The following SRGAP3 variants were observed in gnomAD, a reference collection of about 807,000 sequenced individuals.
The protein encoded by SRGAP3 is SLIT-ROBO Rho GTPase-activating protein 3.
SRGAP3 carries 39 observed loss-of-function variants against 121.1 expected under a neutral mutation model. The observed-to-expected ratio is 0.32, with a 90% CI of 0.25 to 0.42. SRGAP3 has a LOEUF of 0.42. SRGAP3 is among the 10% of genes least tolerant of loss of function. SRGAP3 has a pLI of 1.00. For missense variants in SRGAP3, 1,213 were observed against 1,470.6 expected (o/e 0.82, Z 2.86); for synonymous variants, 601 against 570.0 (o/e 1.05, Z -0.77).
At chr3:9,054,274 G>A (rs1945716948) in intron 8 of SRGAP3, among the ~76,000 whole-genome samples, 2 of 152,282 alleles carry the variant, frequency 1.3e-5, no homozygotes, top group South Asian at 2.1e-4. Flanking sequence ...TGGAATTACT[G>A]TTAGAACAGA....
intron 3 of SRGAP3, among the ~76,000 whole-genome samples, chr3:9,268,296 GTCTCTCTC>G (rs71626912): frequency 4.7e-5 from 7 of 147,572 alleles, no homozygotes; most frequent in South Asian, 2.2e-4. Context: ...AGAGAGAAGA[GTCTCTCTC>G]TCTCTCTCTC....
intron 18 of SRGAP3, among the ~76,000 whole-genome samples, chr3:9,006,233 T>C (rs528814802): frequency 1.3e-5 from 2 of 152,000 alleles, no homozygotes; most frequent in East Asian, 1.9e-4. Flanking sequence ...ACCCCGTCTC[T>C]ACTAAAAAAT....
chr3:9,045,704 AGAAG>A (rs1314013460), intron 10 of SRGAP3, among the ~76,000 whole-genome samples: 4 of 152,222 alleles, frequency 2.6e-5, no homozygotes, highest in Non-Finnish European at 5.9e-5. Flanking sequence ...TTCTGCACCA[AGAAG>A]GCGTGGGCAG....
chr3:9,165,098 G>C (rs965148310), intron 1 of SRGAP3, among the ~76,000 whole-genome samples: 1 of 152,280 alleles, frequency 6.6e-6, no homozygotes, highest in Non-Finnish European at 1.5e-5. Context: ...CTTTGAGCCA[G>C]GAGGATGCCC....
chr3:9,242,497 T>C (rs577720982), intron 1 of SRGAP3, among the ~76,000 whole-genome samples: 93 of 152,166 alleles, frequency 6.1e-4, no homozygotes, highest in African/African-American at 2.2e-3. Flanking sequence ...TAGCTGGGCA[T>C]GGTGGCGAGT....
At chr3:9,228,878 T>G (rs2648531) in intron 1 of SRGAP3, among the ~76,000 whole-genome samples, 1 of 149,400 alleles carries the variant, frequency 6.7e-6, no homozygotes, top group Admixed American at 6.6e-5. Context: ...CTGGCTAACA[T>G]GGTGAAACCC....
chr3:9,324,905 C>T (rs1955492733), intron 3 of SRGAP3, among the ~76,000 whole-genome samples: 1 of 151,146 alleles, frequency 6.6e-6, no homozygotes, highest in African/African-American at 2.4e-5. Flanking sequence ...TGCAGTGAGC[C>T]GAGATCGCGC....
rs1252272548 is a variant in SRGAP3, at chr3:9,064,426, A to G, written c.642T>C (p.Ser214=). ...RHEDRPQRRS[S]VKKIEKMKEK... is the part of the protein sequence containing the mutation. ...CCTTCATCTTCTCAATCTTCTTCAC[A>G]GAGCTGCGGCGCTGGGGCCGGTCCT... The change falls in exon 5 of 22, where the codon TCT becomes TCC. Residue 214 remains serine, a synonymous_variant. Transcript: ENST00000383836. The G allele has an allele frequency of 3.0e-5, 48 of 1,614,190 alleles. No homozygotes were observed. The highest frequency in any genetic ancestry group is 3.9e-5 in the Non-Finnish European group (46 of 1,180,036).
At chr3:9,310,688 A>G (rs1285681930) in intron 3 of SRGAP3, among the ~76,000 whole-genome samples, 2 of 152,246 alleles carry the variant, frequency 1.3e-5, no homozygotes. Flanking sequence ...AGTGAAAACC[A>G]GCTGACTGCT....
chr3:9,341,983 A>G (rs1263868206), intron 1 of SRGAP3, among the ~76,000 whole-genome samples: 1 of 152,186 alleles, frequency 6.6e-6, no homozygotes, highest in Non-Finnish European at 1.5e-5. Context: ...TTGAGAATCT[A>G]GATACAGGCT....
chr3:9,318,135 A>G lies in SRGAP3; in HGVS notation n.442+7875T>C, dbSNP rs564075541. 1.1e-4 allele frequency among the ~76,000 whole-genome samples: 16 copies of G among 152,084 alleles called. No homozygotes were observed. In the South Asian group the frequency reaches 2.9e-3, roughly 28 times the overall value. Reference sequence around the variant, plus strand: ...GTGTTTATGGAGAATCATGGGAGGGAGAGTGGTGCATTCTGGTCCTTGCTG... The same window carrying G: ...GTGTTTATGGAGAATCATGGGAGGGGGAGTGGTGCATTCTGGTCCTTGCTG... On this transcript the variant is annotated intron_variant and non_coding_transcript_variant, in intron 3 of 3. Transcript: ENST00000490889.
intron 18 of SRGAP3, among the ~76,000 whole-genome samples, chr3:9,003,507 A>AAAC (rs1559885584): frequency 5.3e-5 from 4 of 75,046 alleles, no homozygotes; most frequent in Non-Finnish European, 9.0e-5. Flanking sequence ...AACAAACAAA[A>AAAC]AAATCACTAG....
chr3:9,165,338 C>G, intron 1 of SRGAP3, among the ~76,000 whole-genome samples: 1 of 152,208 alleles, frequency 6.6e-6, no homozygotes, highest in East Asian at 1.9e-4. Flanking sequence ...TCATGTCCTG[C>G]TCTGGAGAGA....
chr3:9,114,307 G>A (rs1465862639), intron 2 of SRGAP3, among the ~76,000 whole-genome samples: 1 of 152,188 alleles, frequency 6.6e-6, no homozygotes, highest in Admixed American at 6.5e-5. Context: ...GCACATAATA[G>A]TACTTTTTAT....
intron 3 of SRGAP3, among the ~76,000 whole-genome samples, chr3:9,291,114 CT>C (rs1462195675): frequency 3.3e-5 from 5 of 152,172 alleles, no homozygotes; most frequent in Non-Finnish European, 5.9e-5. Context: ...AAATTCCCCC[CT>C]GAATAACTCC....
At chr3:9,317,139 G>A (rs1168418984) in intron 3 of SRGAP3, among the ~76,000 whole-genome samples, 1 of 152,200 alleles carries the variant, frequency 6.6e-6, no homozygotes, top group African/African-American at 2.4e-5. Context: ...CGAGAGCCTG[G>A]GGAGCACTCA....
At chr3:9,277,437 TA>T (rs35927463) in intron 3 of SRGAP3, among the ~76,000 whole-genome samples, 2,202 of 142,624 alleles carry the variant, frequency 0.015, 53 homozygotes, top group Non-Finnish European at 0.015. Flanking sequence ...CCATCTCTAC[TA>T]AAAAAAAAAA....
intron 1 of SRGAP3, among the ~76,000 whole-genome samples, chr3:9,240,709 G>C (rs1347335338): frequency 6.6e-6 from 1 of 152,166 alleles, no homozygotes; most frequent in Non-Finnish European, 1.5e-5. Flanking sequence ...TTCCACATCT[G>C]AAAAACAAAT....
chr3:9,006,245 C>G (rs1943065352), intron 18 of SRGAP3, among the ~76,000 whole-genome samples: 1 of 151,802 alleles, frequency 6.6e-6, no homozygotes, highest in Non-Finnish European at 1.5e-5. Context: ...CTAAAAAATA[C>G]AAAAATTAGC....
Sources: allele counts gnomAD v4.1 joint callset (sites outside exome capture counted in the v4.1 genomes callset), GRCh38; gene constraint gnomAD v4.1.1; transcripts MANE v1.5; gene names NCBI Gene and HGNC (gene_info 2026-07-23, HGNC 2026-07-21).